ZFAT: variants seen among roughly 807,000 people sequenced by gnomAD.
ZFAT encodes the protein zinc finger protein ZFAT.
Under a neutral mutation model 117.7 loss-of-function variants are expected in ZFAT, and 64 were observed. The observed-to-expected ratio is 0.54, with a 90% CI of 0.44 to 0.67. ZFAT has a LOEUF of 0.67. ZFAT is among the 30% of genes least tolerant of loss of function. The pLI, the probability that ZFAT is intolerant of heterozygous loss-of-function variation, is 0.00. For missense variants in ZFAT, 1,433 were observed against 1,584.5 expected (o/e 0.90, Z 1.62); for synonymous variants, 679 against 615.0 (o/e 1.10, Z -1.54).
At position 134,654,024 on chromosome 8, in the gene ZFAT, C is replaced by T. The variant is rs112190004; in HGVS notation, c.196+3537G>A. Among the ~76,000 whole-genome samples the T allele has an allele frequency of 6.4e-4, 98 of 152,220 alleles. 1 individual carries two copies. The highest frequency in any genetic ancestry group is 2.1e-3 in the African/African-American group (89 of 41,544). ...TACAGCAAGATTTCAGGGCCAGGCA[C>T]GGGGGCTCATGCCTGTAATCTCAGT... On this transcript the variant is annotated intron_variant, in intron 2 of 15. Transcript: ENST00000377838.
At chr8:134,689,127 C>T (rs1833476236) in intron 1 of ZFAT, among the ~76,000 whole-genome samples, 1 of 152,318 alleles carries the variant, frequency 6.6e-6, no homozygotes, top group African/African-American at 2.4e-5. Context: ...TGCCCATCAC[C>T]ATAATACACG....
chr8:134,590,733 ACAC>A (rs1273699755), intron 7 of ZFAT, among the ~76,000 whole-genome samples: 57 of 50,706 alleles, frequency 1.1e-3, no homozygotes, highest in East Asian at 3.8e-3. Flanking sequence ...ACCACCACCA[ACAC>A]CACCACCACC....
chr8:134,541,198 G>A (rs954469728), intron 11 of ZFAT, among the ~76,000 whole-genome samples: 14 of 152,194 alleles, frequency 9.2e-5, no homozygotes, highest in African/African-American at 2.7e-4. Context: ...GTATTGAGGG[G>A]TATTGAGAGT....
the ZFAT span, among the ~76,000 whole-genome samples, chr8:134,775,037 G>C: frequency 1.3e-5 from 2 of 152,216 alleles, no homozygotes; most frequent in East Asian, 1.9e-4. Context: ...AGAATCGCTT[G>C]AACCCAGGAA....
intron 11 of ZFAT, among the ~76,000 whole-genome samples, chr8:134,562,400 CAG>C (rs775561836): frequency 1.8e-4 from 28 of 152,094 alleles, no homozygotes; most frequent in Non-Finnish European, 3.5e-4. Context: ...GAAATTAACA[CAG>C]AGAGTGGGAA....
At chr8:134,549,230 A>G (rs942018970) in intron 11 of ZFAT, among the ~76,000 whole-genome samples, 2 of 152,126 alleles carry the variant, frequency 1.3e-5, no homozygotes, top group African/African-American at 4.8e-5. Context: ...TCACGAGGTC[A>G]AGAGATCGAG....
At chr8:134,687,862 T>C (rs1833403126) in intron 1 of ZFAT, among the ~76,000 whole-genome samples, 1 of 152,144 alleles carries the variant, frequency 6.6e-6, no homozygotes. Flanking sequence ...TCTGCGTTGC[T>C]TTAGTGTATT....
At position 134,478,723 on chromosome 8, in the gene ZFAT, T is replaced by TGCG. The variant is rs1181342025; in HGVS notation, c.3493-5_3493-3dup. On this transcript the variant is annotated splice_polypyrimidine_tract_variant and splice_region_variant and intron_variant, in intron 15 of 15. Coordinates refer to ENST00000377838, the MANE Select transcript of ZFAT (RefSeq NM_020863.4). The surrounding 1 kb of genome is among the most constrained non-coding windows in gnomAD (Gnocchi z 5.2). The stretch of plus-strand genomic sequence containing the variant: ...GGAGCTGGGCTCCTCCTCGGTGACC[T>TGCG]GCGGGAGGAGGGCAAGAGAAAGGTC... The TGCG allele has an allele frequency of 1.3e-6, 2 of 1,554,658 alleles. No individual in the cohort carries two copies. Among genetic ancestry groups the TGCG allele is most frequent in the African/African-American group, 2.7e-5 (2 of 73,288 alleles).
intron 11 of ZFAT, among the ~76,000 whole-genome samples, chr8:134,550,368 G>A (rs560659510): frequency 1.5e-5 from 2 of 136,050 alleles, no homozygotes; most frequent in African/African-American, 2.7e-5. Context: ...AAAATGCCAG[G>A]CCTTCATATC....
At chr8:134,481,968 T>G (rs562740509) in intron 15 of ZFAT, among the ~76,000 whole-genome samples, 1 of 151,996 alleles carries the variant, frequency 6.6e-6, no homozygotes, top group African/African-American at 2.4e-5. Context: ...CCAAACCCAC[T>G]GGGCAGAGTC....
In ZFAT at chr8:134,640,194, G is replaced by C. The variant is rs544839048; in HGVS notation, c.197-2482C>G. The stretch of plus-strand genomic sequence containing the variant: ...ATAATCATGAGGACAGGGCTTTCCT[G>C]AGTTGTGTGAGTTATTCTAGCAAAT... On this transcript the variant is annotated intron_variant, in intron 2 of 15. Coordinates refer to ENST00000377838, the MANE Select transcript of ZFAT (RefSeq NM_020863.4). Among the ~76,000 whole-genome samples the C allele has an allele frequency of 7.9e-5, 12 of 152,298 alleles. 1 individual carries two copies. The highest frequency in any genetic ancestry group is 2.9e-4 in the African/African-American group (12 of 41,550).
chr8:134,493,407 G>A (rs190142165), intron 15 of ZFAT, among the ~76,000 whole-genome samples: 8 of 152,306 alleles, frequency 5.3e-5, no homozygotes, highest in Admixed American at 3.9e-4. Flanking sequence ...CCTCAGTGCT[G>A]TAAGAAGAGG....
chr8:134,703,157 C>T (rs1834060585), intron 1 of ZFAT, among the ~76,000 whole-genome samples: 1 of 152,214 alleles, frequency 6.6e-6, no homozygotes, highest in African/African-American at 2.4e-5. Flanking sequence ...ACATCCTTAT[C>T]AGCACTTGGG....
intron 13 of ZFAT, among the ~76,000 whole-genome samples, chr8:134,515,175 T>C (rs1010926424): frequency 2.0e-5 from 3 of 152,370 alleles, no homozygotes; most frequent in Non-Finnish European, 4.4e-5. Context: ...CCATGGTGTA[T>C]GTGTACTGAA....
At chr8:134,711,166 A>G (rs796844711) in intron 1 of ZFAT, among the ~76,000 whole-genome samples, 1 of 152,200 alleles carries the variant, frequency 6.6e-6, no homozygotes, top group African/African-American at 2.4e-5. Flanking sequence ...ATGGGGTTTC[A>G]CTACACTGCC....
chr8:134,630,989 A>C (rs1265971940), intron 3 of ZFAT, among the ~76,000 whole-genome samples: 2 of 152,242 alleles, frequency 1.3e-5, no homozygotes, highest in African/African-American at 4.8e-5. Context: ...AACACGGTGC[A>C]ATCACATGGA....
intron 11 of ZFAT, among the ~76,000 whole-genome samples, chr8:134,546,947 G>A (rs1311251740): frequency 1.3e-5 from 2 of 152,214 alleles, no homozygotes; most frequent in African/African-American, 4.8e-5. Flanking sequence ...TGCATTTGGA[G>A]TTTGAGCACT....
chr8:134,816,987 A>T, the ZFAT span, among the ~76,000 whole-genome samples: 1 of 152,078 alleles, frequency 6.6e-6, no homozygotes, highest in Non-Finnish European at 1.5e-5. Context: ...TCTCAAAAAA[A>T]AAAAAAAAAA....
chr8:134,536,357 T>C (rs1156501873), intron 11 of ZFAT, among the ~76,000 whole-genome samples: 1 of 152,154 alleles, frequency 6.6e-6, no homozygotes, highest in Non-Finnish European at 1.5e-5. Context: ...CCAGCAGCCT[T>C]TTCACTGCTG....
Sources: gnomAD v4.1 joint callset for allele counts (sites outside exome capture counted in the v4.1 genomes callset) on GRCh38, gnomAD v4.1.1 for gene constraint, Gnocchi (gnomAD v3.1) non-coding constraint, MANE v1.5 for transcripts, NCBI Gene and HGNC (gene_info 2026-07-23, HGNC 2026-07-21) for gene names.